DHX32: variants seen among roughly 807,000 people sequenced by gnomAD.
DHX32 encodes DEAH-box helicase 32 (putative).
Under a neutral mutation model 70.0 loss-of-function variants are expected in DHX32, and 51 were observed. The observed-to-expected ratio is 0.73, with a 90% CI of 0.58 to 0.92. DHX32 has a LOEUF of 0.92. DHX32 is among the 40% of genes least tolerant of loss of function. The probability of loss-of-function intolerance (pLI) is 0.00; values close to 1 mark genes in which losing one functional copy is unlikely to be tolerated. For synonymous variants in DHX32, 310 were observed against 315.3 expected (o/e 0.98, Z 0.18); for missense variants, 762 against 891.8 (o/e 0.85, Z 1.85).
chr10:125,851,920 C>CAAA (rs56380138), intron 6 of DHX32, among the ~76,000 whole-genome samples: 33 of 86,770 alleles, frequency 3.8e-4, no homozygotes, highest in African/African-American at 1.3e-3. Flanking sequence ...GACCCTGTCT[C>CAAA]AAAAAAAAAA....
At chr10:125,838,061 C>G in intron 10 of DHX32, 145 bp downstream of exon 10, 2 of 686,434 alleles carry the variant, frequency 2.9e-6, no homozygotes, top group Non-Finnish European at 4.7e-6. Context: ...TCCACAGAGG[C>G]CTGCCCTTAG....
At chr10:125,893,069 CAT>C (rs1183626243) in intron 1 of DHX32, among the ~76,000 whole-genome samples, 2 of 152,234 alleles carry the variant, frequency 1.3e-5, no homozygotes, top group East Asian at 3.8e-4. Flanking sequence ...AAGATCCATC[CAT>C]ATGAGATAAA....
In DHX32 at chr10:125,841,528, A is replaced by G. The variant is rs1463422196; in HGVS notation, c.1543+215T>C. On this transcript the variant is annotated intron_variant, in intron 7 of 10. Transcript: ENST00000284690. ...ATACATCTGATGTATAAATTTGCTG[A>G]ACTTTGAGTTAGTTTTCTTAAGATA... 2.1e-6 allele frequency: 3 copies of G among 1,430,502 alleles called. No individual in the cohort carries two copies. The African/African-American group carries it at 4.3e-5, about 21-fold the overall frequency. The allele number at this position is 1,430,502 out of a possible 1,614,324, so 88.6% of individuals were successfully genotyped here.
chr10:125,838,911 A>G lies in DHX32; in HGVS notation c.1881+90T>C, dbSNP rs1338641935. On this transcript the variant is annotated intron_variant, in intron 9 of 10. Coordinates refer to ENST00000284690, the MANE Select transcript of DHX32 (RefSeq NM_018180.3). ...GGATTTTTAGTTTTACTTAATGTCA[A>G]AATCATCATCCTAAGCCATTGTTGG... is the stretch of plus-strand genomic sequence containing the variant. 90 of 1,364,364 alleles carry G rather than the reference A, an allele frequency of 6.6e-5. 1 individual carries two copies. The Admixed American group carries it at 2.0e-3, about 31-fold the overall frequency. The allele number at this position is 1,364,364 out of a possible 1,614,324, so 84.5% of individuals were successfully genotyped here.
chr10:125,881,677 GCT>G (rs1460869483), upstream of DHX32, among the ~76,000 whole-genome samples: 2 of 151,984 alleles, frequency 1.3e-5, no homozygotes, highest in East Asian at 1.9e-4. Context: ...ACAGGGTCTC[GCT>G]CTGTCACCCA....
At chr10:125,867,898 T>C (rs938031867) in intron 1 of DHX32, among the ~76,000 whole-genome samples, 5 of 152,322 alleles carry the variant, frequency 3.3e-5, no homozygotes, top group South Asian at 2.1e-4. Flanking sequence ...TTTTAAGCAA[T>C]GTAAATTATA....
At chr10:125,874,324 T>C (rs527941194) in intron 1 of DHX32, among the ~76,000 whole-genome samples, 253 of 152,364 alleles carry the variant, frequency 1.7e-3, no homozygotes, top group African/African-American at 5.9e-3. Context: ...TAGTTTAGGA[T>C]AGATCCATTT....
intron 8 of DHX32, among the ~76,000 whole-genome samples, chr10:125,840,171 A>G (rs1163407842): frequency 6.6e-6 from 1 of 152,196 alleles, no homozygotes; most frequent in East Asian, 1.9e-4. Context: ...AGCCTCTGCT[A>G]TGCTGCTTTG....
intron 1 of DHX32, among the ~76,000 whole-genome samples, chr10:125,893,520 G>C (rs1288704147): frequency 6.6e-6 from 1 of 152,252 alleles, no homozygotes; most frequent in African/African-American, 2.4e-5. Context: ...TGGGATTACA[G>C]GCGTGAGCCA....
intron 4 of DHX32, chr10:125,853,683 A>T (rs1944120243): frequency 2.9e-6 from 1 of 350,830 alleles, no homozygotes; most frequent in Admixed American, 4.5e-5. Flanking sequence ...ATTAAAGATG[A>T]CTATCACCTT....
In DHX32 at chr10:125,836,963, C is replaced by T. The variant is rs145358444; in HGVS notation, c.2064-108G>A. 2.5e-4 allele frequency: 230 copies of T among 925,168 alleles called. No individual in the cohort carries two copies. The African/African-American group carries it at 3.3e-3, about 13-fold the overall frequency. 57.3% of individuals were successfully genotyped at this position (925,168 alleles called of 1,614,324 possible). On this transcript the variant is annotated intron_variant, in intron 10 of 10. Transcript: ENST00000284690. Reference sequence around the variant, plus strand: ...TCCCTGGAGAATCTACCTGTAGAACCGGTATTTAATTTGAACTCAGATAGT... The same window carrying T: ...TCCCTGGAGAATCTACCTGTAGAACTGGTATTTAATTTGAACTCAGATAGT...
In DHX32 at chr10:125,852,313, C is replaced by T. The variant is rs1468029868; in HGVS notation, c.1331G>A (p.Cys444Tyr). The T allele has an allele frequency of 6.2e-7, 1 of 1,614,014 alleles. No individual in the cohort carries two copies. The highest frequency in any genetic ancestry group is 8.5e-7 in the Non-Finnish European group (1 of 1,180,030). ...GCTACCTGGTCTGTTCATGAAGTCA[C>T]AGTGGCCTAGGCCCGCAATGTCTAT... ...KRIDIAGLGH[C>Y]DFMNRPAPES... The change falls in exon 6 of 11, where the codon TGT (cysteine) becomes TAT (tyrosine). Residue 444 changes from cysteine to tyrosine, a missense_variant. Physicochemically the swap from Cys to Tyr is radical, Grantham distance 194. This residue lies in a region of DHX32 where 366 missense variants were observed against 402.6 expected (regional missense o/e 0.91). Coordinates refer to ENST00000284690, the MANE Select transcript of DHX32 (RefSeq NM_018180.3).
At chr10:125,861,201 A>T (rs946924288) in intron 2 of DHX32, among the ~76,000 whole-genome samples, 3 of 151,872 alleles carry the variant, frequency 2.0e-5, no homozygotes, top group Admixed American at 2.0e-4. Flanking sequence ...GAGGGTCCTC[A>T]CCATTCCCAG....
At chr10:125,838,514 T>C (rs1208005661) in intron 9 of DHX32, 127 bp from the exon 10 acceptor site, 17 of 873,388 alleles carry the variant, frequency 1.9e-5, no homozygotes, top group African/African-American at 3.4e-5. Context: ...TTGCCACTCA[T>C]GTTTCCTACT....
Position 125,840,849 on chromosome 10 carries a change from T to A in DHX32, c.1691A>T (p.Glu564Val). Reference protein sequence around the residue: ...YQDTTLNSSSEYCVEKWCRDY... With the variant: ...YQDTTLNSSSVYCVEKWCRDY... ...GTAGTTTCTGAGCATTCACTTACAC[T>A]CACTGCTAGAATTCAGAGTTGTGTC... The change falls in exon 8 of 11, where the codon GAG becomes GTG. Residue 564 changes from glutamate (E) to valine (V), a missense_variant and splice_region_variant. Transcript: ENST00000284690. 6.3e-7 allele frequency: 1 copy of A among 1,585,710 alleles called. No homozygotes were observed. Among genetic ancestry groups the A allele is most frequent in the Non-Finnish European group, 8.6e-7 (1 of 1,160,864 alleles).
rs534833985 is a variant in DHX32, at chr10:125,894,158, G to A, written c.-248+2060C>T. 1.2e-4 allele frequency among the ~76,000 whole-genome samples: 19 copies of A among 152,188 alleles called. No individual in the cohort carries two copies. The South Asian group carries it at 2.9e-3, about 23-fold the overall frequency. On this transcript the variant is annotated intron_variant, in intron 1 of 2. Coordinates refer to the DHX32 transcript ENST00000415732. ...CACTAATAACATACTGAACATGCCC[G>A]TGAAAAGAAATAAAACACAATGGTA...
chr10:125,872,110 C>T (rs1355261680), intron 1 of DHX32, among the ~76,000 whole-genome samples: 1 of 152,146 alleles, frequency 6.6e-6, no homozygotes, highest in Non-Finnish European at 1.5e-5. Context: ...GATCCGCCCG[C>T]CTCGGCCTCC....
chr10:125,840,372 C>G (rs1854837739), intron 8 of DHX32, among the ~76,000 whole-genome samples: 1 of 152,266 alleles, frequency 6.6e-6, no homozygotes, highest in Non-Finnish European at 1.5e-5. Flanking sequence ...GTCAGCAACT[C>G]TGCAGCCTCC....
In DHX32 at chr10:125,841,849, G is replaced by C. The variant is rs774523614; in HGVS notation, c.1437C>G (p.Ile479Met). The part of the protein sequence containing the change: ...DNDGNLSEFG[I>M]IMSEFPLDPQ... ...GATCAAGAGGAAACTCTGACATGATGATTCCAAATTCAGAAAGATTTCCAT... is the reference window on the plus strand; with the variant it reads ...GATCAAGAGGAAACTCTGACATGATCATTCCAAATTCAGAAAGATTTCCAT... The change falls in exon 7 of 11, where the codon ATC becomes ATG. Residue 479 changes from isoleucine (I) to methionine (M), a missense_variant. Physicochemically the swap from Ile to Met is conservative, Grantham distance 10 (BLOSUM62 1). Around this residue, in one of 3 missense-constraint regions of DHX32, gnomAD observed 366 missense variants for 402.6 expected, o/e 0.91. Coordinates refer to ENST00000284690, the MANE Select transcript of DHX32 (RefSeq NM_018180.3). 6.2e-7 allele frequency: 1 copy of C among 1,613,716 alleles called. No homozygotes were observed. The highest frequency in any genetic ancestry group is 1.6e-4 in the Middle Eastern group (1 of 6,062).
Sources: allele counts gnomAD v4.1 joint callset (sites outside exome capture counted in the v4.1 genomes callset), GRCh38; gene constraint gnomAD v4.1.1; regional missense constraint gnomAD v4.1.1; transcripts MANE v1.5; gene names NCBI Gene and HGNC (gene_info 2026-07-23, HGNC 2026-07-21).